Variants in FBXL17 observed in about 807,000 individuals in gnomAD.
FBXL17 encodes the protein F-box/LRR-repeat protein 17.
FBXL17 carries 22 observed loss-of-function variants against 66.2 expected under a neutral mutation model. The ratio of observed to expected loss-of-function variants is 0.33; its 90% CI spans 0.24 to 0.47. FBXL17 has a LOEUF of 0.47. Among genes scored for constraint, FBXL17 ranks in the 20% least tolerant of loss-of-function variants. The pLI, the probability that FBXL17 is intolerant of heterozygous loss-of-function variation, is 1.00. For missense variants in FBXL17, 878 were observed against 948.2 expected, an observed-to-expected ratio of 0.93 and a Z score of 0.97; for synonymous variants, 474 against 400.5, an observed-to-expected ratio of 1.18 and a Z score of -2.19.
At chr5:108,198,292 T>C (rs1415626891) in intron 5 of FBXL17, among the ~76,000 whole-genome samples, 1 of 152,106 alleles carries the variant, frequency 6.6e-6, no homozygotes, top group Admixed American at 6.6e-5. Context: ...AATGTATACA[T>C]AATTCTCCCC....
In FBXL17 at chr5:108,303,361, AACACAC is replaced by A. The variant is rs58495859; in HGVS notation, c.1506+45032_1506+45037del. Among the ~76,000 whole-genome samples the A allele has an allele frequency of 6.1e-3, 864 of 141,916 alleles. 6 individuals are homozygous for A. Among genetic ancestry groups the A allele is most frequent in the African/African-American group, 0.018 (722 of 39,368 alleles). 93.1% of individuals were successfully genotyped at this position (141,916 alleles called of 152,430 possible). ...ACTTCCTCCAAAACACACAGGCATA[AACACAC>A]ACACACACACACACACACACACACA... On this transcript the variant is annotated intron_variant, in intron 4 of 8. Transcript: ENST00000542267.
chr5:108,207,528 G>C (rs1294160004), intron 5 of FBXL17, among the ~76,000 whole-genome samples: 3 of 151,966 alleles, frequency 2.0e-5, no homozygotes, highest in African/African-American at 7.3e-5. Flanking sequence ...CCCTCCCTAT[G>C]TCCATGTGTT....
chr5:108,234,651 G>A (rs1580665251), intron 4 of FBXL17, among the ~76,000 whole-genome samples: 1 of 152,288 alleles, frequency 6.6e-6, no homozygotes, highest in Middle Eastern at 3.4e-3. Flanking sequence ...GTTACCACTT[G>A]ATTACTGTTT....
chr5:107,940,629 G>A lies in FBXL17; in HGVS notation c.1823-59450C>T, dbSNP rs192442093. ...AAAATGAAGTAGTTGGAGGGTGGGC[G>A]TGTACAGGAGAGTAGCATGAGCTTA... On this transcript the variant is annotated intron_variant, in intron 7 of 8. Transcript: ENST00000542267. Among the ~76,000 whole-genome samples the A allele has an allele frequency of 2.3e-3, 343 of 152,276 alleles. 3 individuals carry two copies. The highest frequency in any genetic ancestry group is 0.017 in the Middle Eastern group (5 of 294).
intron 7 of FBXL17, among the ~76,000 whole-genome samples, chr5:107,897,302 T>C (rs536836133): frequency 1.3e-5 from 2 of 152,240 alleles, no homozygotes; most frequent in South Asian, 2.1e-4. Flanking sequence ...CAGGAAGAGA[T>C]AGGCTAACTC....
intron 5 of FBXL17, among the ~76,000 whole-genome samples, chr5:108,210,898 A>G (rs1029532841): frequency 2.6e-5 from 4 of 152,114 alleles, no homozygotes; most frequent in Admixed American, 6.6e-5. Context: ...TCTGTCTAAT[A>G]TTGACAGTGG....
chr5:108,249,055 T>C (rs1756234093), intron 4 of FBXL17, among the ~76,000 whole-genome samples: 1 of 152,144 alleles, frequency 6.6e-6, no homozygotes, highest in South Asian at 2.1e-4. Context: ...TCTCTTCAGT[T>C]TTCTAAATTA....
At chr5:108,031,280 T>C (rs1179404331) in intron 6 of FBXL17, among the ~76,000 whole-genome samples, 1 of 152,108 alleles carries the variant, frequency 6.6e-6, no homozygotes, top group Non-Finnish European at 1.5e-5. Flanking sequence ...TTTAGCTGTA[T>C]TCGATTAGAA....
chr5:107,927,081 T>C (rs1034949038), intron 7 of FBXL17, among the ~76,000 whole-genome samples: 2 of 152,034 alleles, frequency 1.3e-5, no homozygotes, highest in Non-Finnish European at 2.9e-5. Flanking sequence ...TCAGTGGTTA[T>C]TAAAATGAAT....
At chr5:107,905,644 A>G (rs1004032290) in intron 7 of FBXL17, among the ~76,000 whole-genome samples, 9 of 152,180 alleles carry the variant, frequency 5.9e-5, no homozygotes, top group African/African-American at 2.2e-4. Flanking sequence ...CATACATATG[A>G]TCACAATGTA....
Position 108,246,170 on chromosome 5 carries a change from C to T in FBXL17, c.1507-21942G>A, listed in dbSNP as rs1026349994. 2.6e-5 allele frequency among the ~76,000 whole-genome samples: 4 copies of T among 152,110 alleles called. No homozygotes were observed. In the South Asian group the frequency reaches 8.3e-4, roughly 31 times the overall value. On this transcript the variant is annotated intron_variant, in intron 4 of 8. Coordinates refer to ENST00000542267, the MANE Select transcript of FBXL17 (RefSeq NM_001163315.3). The stretch of plus-strand genomic sequence containing the variant: ...ACTCTCCCAGCACAAATCTCTCCCC[C>T]CTCCTCATAATTTCAAAAGATACAC...
rs1758497527 is a variant in FBXL17 at position 108,299,629 on chromosome 5, T to C, written c.1506+48770A>G. The stretch of plus-strand genomic sequence containing the variant: ...TATAATGAATACCTATACTTCAAAA[T>C]GCAAAAAATAATAAAAATTAAAATT... On this transcript the variant is annotated intron_variant, in intron 4 of 8. Transcript: ENST00000542267. 5 of 971,812 alleles carry C rather than the reference T, an allele frequency of 5.1e-6. No homozygotes were observed. The South Asian group carries it at 2.4e-4, about 46-fold the overall frequency. 60.2% of individuals were successfully genotyped at this position (971,812 alleles called of 1,614,324 possible).
intron 6 of FBXL17, among the ~76,000 whole-genome samples, chr5:108,078,870 G>T (rs980004537): frequency 1.3e-5 from 2 of 152,122 alleles, no homozygotes; most frequent in East Asian, 3.9e-4. Context: ...TGTTCCCTGT[G>T]TCCAGATTAA....
In FBXL17 at chr5:108,189,287, A is replaced by AGGATGGGATG. The variant is rs5870302; in HGVS notation, c.1615-3050_1615-3041dup. ...TCATGTAGTTGCTGGAAGAATTCAT[A>AGGATGGGATG]GGATGGGATGGGATGGGATGGGATG... On this transcript the variant is annotated intron_variant, in intron 5 of 8. Transcript: ENST00000542267. Among the ~76,000 whole-genome samples the AGGATGGGATG allele has an allele frequency of 2.9e-3, 327 of 112,502 alleles. 4 individuals carry two copies. The highest frequency in any genetic ancestry group is 4.3e-3 in the South Asian group (11 of 2,560). The allele number at this position is 112,502 out of a possible 152,430, so 73.8% of individuals were successfully genotyped here. A position where few individuals can be genotyped will look rare whatever the true frequency, so the allele number is the denominator to read the frequency against.
Position 108,381,260 on chromosome 5 carries a change from C to A in FBXL17, c.432G>T (p.Leu144Phe). The change falls in exon 1 of 9, where the codon TTG becomes TTT. Residue 144 changes from leucine to phenylalanine, a missense_variant. Around this residue, in one of 4 missense-constraint regions of FBXL17, gnomAD observed 605 missense variants for 509.5 expected, o/e 1.19. Transcript: ENST00000542267. ...CCCAGGCGGCGGCCGCAGCCAGCCC[C>A]AACTCTTTGCAGCAGGAGGCGGGCG... ...ASSPASCCKE[L>F]GLAAAAAWEQ... 7.0e-7 allele frequency: 1 copy of A among 1,433,100 alleles called. No homozygotes were observed. The highest frequency in any genetic ancestry group is 9.1e-7 in the Non-Finnish European group (1 of 1,095,984). The allele number at this position is 1,433,100 out of a possible 1,614,324, so 88.8% of individuals were successfully genotyped here.
intron 7 of FBXL17, among the ~76,000 whole-genome samples, chr5:108,014,391 G>C (rs1580329359): frequency 6.6e-6 from 1 of 152,180 alleles, no homozygotes; most frequent in Middle Eastern, 3.4e-3. Flanking sequence ...AGGTTCATTT[G>C]TCTTTTAAAT....
At chr5:108,014,741 T>C (rs150778574) in intron 7 of FBXL17, among the ~76,000 whole-genome samples, 155 of 152,274 alleles carry the variant, frequency 1.0e-3, no homozygotes, top group South Asian at 6.4e-3. Flanking sequence ...ACTAGTCCGC[T>C]TTCATGCTGC....
intron 7 of FBXL17, among the ~76,000 whole-genome samples, chr5:107,979,960 C>T (rs1042552531): frequency 1.3e-5 from 2 of 152,070 alleles, no homozygotes; most frequent in East Asian, 3.8e-4. Context: ...AATATAAATG[C>T]ATCTGGTATG....
chr5:108,235,715 A>G (rs948054602), intron 4 of FBXL17, among the ~76,000 whole-genome samples: 5 of 152,060 alleles, frequency 3.3e-5, no homozygotes, highest in Admixed American at 2.0e-4. Context: ...TCATCCCACT[A>G]TCCCCTCTCC....
Sources: allele counts gnomAD v4.1 joint callset (sites outside exome capture counted in the v4.1 genomes callset), GRCh38; gene constraint gnomAD v4.1.1; regional missense constraint gnomAD v4.1.1; transcripts MANE v1.5; gene names NCBI Gene and HGNC (gene_info 2026-07-23, HGNC 2026-07-21).